Variants in MYO5A observed in about 807,000 individuals in gnomAD.
MYO5A encodes unconventional myosin-Va.
Under a neutral mutation model 249.7 loss-of-function variants are expected in MYO5A, and 98 were observed. The ratio of observed to expected loss-of-function variants is 0.39; its 90% CI spans 0.33 to 0.46. The LOEUF (loss-of-function observed/expected upper bound fraction) is 0.46. MYO5A is among the 20% of genes least tolerant of loss of function. The pLI, the probability that MYO5A is intolerant of heterozygous loss-of-function variation, is 0.98. For synonymous variants in MYO5A, 778 were observed against 810.6 expected (o/e 0.96, Z 0.68); for missense variants, 1,696 against 2,308.8 (o/e 0.73, Z 5.44).
At chr15:52,351,194 G>T in intron 28 of MYO5A, 60 bp downstream of exon 28, 1 of 1,266,546 alleles carries the variant, frequency 7.9e-7, no homozygotes, top group Non-Finnish European at 1.1e-6. Flanking sequence ...GGAGGGAAGG[G>T]ATAAGAAGAT....
At position 52,471,592 on chromosome 15, in the gene MYO5A, AACACACACACAC is replaced by A. The variant is rs111751236; in HGVS notation, c.28-38319_28-38308del. ...CAACACAGCCAGATTCTGTCTCTAAAACACACACACACACACACACACACACACCCCAAACAA... is the reference window on the plus strand; with the variant it reads ...CAACACAGCCAGATTCTGTCTCTAAAACACACACACACACACCCCAAACAA... On this transcript the variant is annotated intron_variant, in intron 1 of 41. Transcript: ENST00000399233. Among the ~76,000 whole-genome samples, 65 of 144,970 alleles carry A rather than the reference AACACACACACAC, an allele frequency of 4.5e-4. 1 individual carries two copies. In the East Asian group the frequency reaches 6.9e-3, roughly 15 times the overall value.
intron 1 of MYO5A, among the ~76,000 whole-genome samples, chr15:52,469,541 G>C (rs1442085047): frequency 6.6e-6 from 1 of 152,160 alleles, no homozygotes; most frequent in Non-Finnish European, 1.5e-5. Context: ...AGGCAGCAGA[G>C]ATAGAGGAGA....
intron 1 of MYO5A, among the ~76,000 whole-genome samples, chr15:52,466,939 T>C (rs1382013064): frequency 3.3e-5 from 5 of 152,188 alleles, no homozygotes; most frequent in Non-Finnish European, 4.4e-5. Context: ...AGGTTGTGTG[T>C]CTGCTCACTG....
Position 52,433,104 on chromosome 15 carries a change from T to A in MYO5A, c.138+71A>T, listed in dbSNP as rs2075577755. The stretch of plus-strand genomic sequence containing the variant: ...ATTTAACTTCCATTGGGAGTTTACT[T>A]CACAGTAAATTTACACTTTTGAACT... On this transcript the variant is annotated intron_variant, in intron 2 of 41. Coordinates refer to ENST00000399233, the MANE Select transcript of MYO5A (RefSeq NM_001382347.1). 1.5e-5 allele frequency: 17 copies of A among 1,124,082 alleles called. No individual in the cohort carries two copies. In the South Asian group the frequency reaches 2.1e-4, roughly 14 times the overall value. The allele number at this position is 1,124,082 out of a possible 1,614,324, so 69.6% of individuals were successfully genotyped here.
intron 1 of MYO5A, among the ~76,000 whole-genome samples, chr15:52,483,129 A>T (rs1469024733): frequency 2.0e-5 from 3 of 152,188 alleles, no homozygotes; most frequent in Non-Finnish European, 4.4e-5. Flanking sequence ...AGAACTGTCA[A>T]TGTGTCTACA....
At position 52,425,813 on chromosome 15, in the gene MYO5A, T is replaced by C. The variant is rs1251887895; in HGVS notation, c.455+17A>G. On this transcript the variant is annotated intron_variant, in intron 4 of 41. Transcript: ENST00000399233. Reference sequence around the variant, plus strand: ...TCTAATAACTGCCATAAAATAACAATGAAAGCTTCTACCAACCTGGCCATT... The same window carrying C: ...TCTAATAACTGCCATAAAATAACAACGAAAGCTTCTACCAACCTGGCCATT... 6.2e-6 allele frequency: 10 copies of C among 1,613,370 alleles called. No individual in the cohort carries two copies. Among genetic ancestry groups the C allele is most frequent in the Non-Finnish European group, 8.5e-6 (10 of 1,179,438 alleles).
At position 52,317,197 on chromosome 15, in the gene MYO5A, A is replaced by G; in HGVS notation, c.5260T>C (p.Trp1754Arg). Residue 1754 changes from tryptophan to arginine, a missense_variant, in exon 40 of 42, where the codon TGG becomes CGG. By Grantham distance (101) the Trp-to-Arg change is moderately radical. Transcript: ENST00000399233. ...TTCATCAGATTCTTGTCACGCAGCCATTCTTCCAGTTGACTGACATTGTAC... is the reference window on the plus strand; with the variant it reads ...TTCATCAGATTCTTGTCACGCAGCCGTTCTTCCAGTTGACTGACATTGTAC... ...IRYNVSQLEE[W>R]LRDKNLMNSG... 6.2e-7 allele frequency: 1 copy of G among 1,614,060 alleles called. No homozygotes were observed. The highest frequency in any genetic ancestry group is 8.5e-7 in the Non-Finnish European group (1 of 1,180,004).
intron 3 of MYO5A, among the ~76,000 whole-genome samples, chr15:52,427,643 A>G (rs2075425335): frequency 6.6e-6 from 1 of 152,226 alleles, no homozygotes; most frequent in Admixed American, 6.5e-5. Context: ...TGTCTAAAAC[A>G]GGAGAGTAAT....
At chr15:52,474,490 G>A (rs1269729988) in intron 1 of MYO5A, among the ~76,000 whole-genome samples, 1 of 152,098 alleles carries the variant, frequency 6.6e-6, no homozygotes, top group African/African-American at 2.4e-5. Context: ...AATGCTTCCA[G>A]TTTTTGCCCA....
chr15:52,330,863 A>G (rs1391152077), intron 34 of MYO5A, among the ~76,000 whole-genome samples: 1 of 152,256 alleles, frequency 6.6e-6, no homozygotes, highest in Non-Finnish European at 1.5e-5. Context: ...ATGGTTAAAC[A>G]TATTTTGACT....
chr15:52,327,559 T>C (rs528346331), intron 36 of MYO5A, among the ~76,000 whole-genome samples: 1 of 151,976 alleles, frequency 6.6e-6, no homozygotes, highest in Admixed American at 6.6e-5. Context: ...CATAAAAAAT[T>C]AGCTGGGCAT....
At chr15:52,389,151 A>G (rs2042100116) in intron 13 of MYO5A, 87 bp downstream of exon 13, 1 of 1,422,212 alleles carries the variant, frequency 7.0e-7, no homozygotes, top group African/African-American at 1.4e-5. Context: ...AAACATCAGC[A>G]AAAGAAAAAA....
At chr15:52,444,744 A>G (rs965321859) in intron 1 of MYO5A, among the ~76,000 whole-genome samples, 16 of 152,218 alleles carry the variant, frequency 1.1e-4, no homozygotes, top group African/African-American at 3.9e-4. Context: ...GTCATATTAA[A>G]TATGTACAGG....
At chr15:52,503,667 G>A (rs1431698633) in intron 1 of MYO5A, among the ~76,000 whole-genome samples, 1 of 152,008 alleles carries the variant, frequency 6.6e-6, no homozygotes, top group Non-Finnish European at 1.5e-5. Context: ...ATAAATTTTA[G>A]AAACAACAAA....
At chr15:52,439,262 G>A (rs544969764) in intron 1 of MYO5A, among the ~76,000 whole-genome samples, 91 of 152,222 alleles carry the variant, frequency 6.0e-4, no homozygotes, top group Non-Finnish European at 6.3e-4. Flanking sequence ...AGGACGACCC[G>A]GTAACACTGT....
At chr15:52,383,618 G>A (rs1382264184) in intron 15 of MYO5A, among the ~76,000 whole-genome samples, 1 of 152,206 alleles carries the variant, frequency 6.6e-6, no homozygotes, top group African/African-American at 2.4e-5. Context: ...TAGGCAGAGA[G>A]GAGTTAAAAT....
At chr15:52,371,126 A>AC (rs1277429046) in intron 21 of MYO5A, among the ~76,000 whole-genome samples, 10 of 147,768 alleles carry the variant, frequency 6.8e-5, no homozygotes, top group African/African-American at 2.2e-4. Flanking sequence ...ACAAAAAACA[A>AC]AAAAAAAAAA....
At chr15:52,318,568 G>C (rs2038140455) in intron 39 of MYO5A, among the ~76,000 whole-genome samples, 2 of 152,066 alleles carry the variant, frequency 1.3e-5, no homozygotes, top group South Asian at 4.2e-4. Flanking sequence ...AATATAGAGG[G>C]GGGATATTTT....
At chr15:52,393,361 G>A (rs1254015721) in intron 11 of MYO5A, among the ~76,000 whole-genome samples, 2 of 151,532 alleles carry the variant, frequency 1.3e-5, no homozygotes, top group Non-Finnish European at 2.9e-5. Context: ...TTATTGTAAT[G>A]CCACTCTTGG....
Sources: allele counts gnomAD v4.1 joint callset (sites outside exome capture counted in the v4.1 genomes callset), GRCh38; gene constraint gnomAD v4.1.1; transcripts MANE v1.5; gene names NCBI Gene and HGNC (gene_info 2026-07-23, HGNC 2026-07-21).